Variants in PPP1R16B observed in about 807,000 individuals in gnomAD.
PPP1R16B encodes the protein protein phosphatase 1 regulatory subunit 16B, also known as protein phosphatase 1 regulatory inhibitor subunit 16B.
A neutral mutation model predicts 61.7 loss-of-function variants in PPP1R16B; 14 were observed. The ratio of observed to expected loss-of-function variants is 0.23; its 90% CI spans 0.15 to 0.35. The LOEUF (loss-of-function observed/expected upper bound fraction) is 0.35, where lower values mean the gene tolerates loss of function less well. PPP1R16B is among the 10% of genes least tolerant of loss of function. The pLI, the probability that PPP1R16B is intolerant of heterozygous loss-of-function variation, is 1.00. For missense variants in PPP1R16B, 547 were observed against 752.5 expected (o/e 0.73, Z 3.19); for synonymous variants, 266 against 305.3 (o/e 0.87, Z 1.34).
At chr20:38,885,130 G>A (rs1211973578) in intron 2 of PPP1R16B, among the ~76,000 whole-genome samples, 2 of 151,582 alleles carry the variant, frequency 1.3e-5, no homozygotes, top group African/African-American at 4.8e-5. Flanking sequence ...GAGATGGGAG[G>A]ATTGCTTGAG....
intron 2 of PPP1R16B, among the ~76,000 whole-genome samples, chr20:38,851,900 G>A (rs907741154): frequency 6.6e-6 from 1 of 152,226 alleles, no homozygotes; most frequent in Non-Finnish European, 1.5e-5. Context: ...AGGCATGGTG[G>A]TGTGGGCCTG....
intron 1 of PPP1R16B, among the ~76,000 whole-genome samples, chr20:38,807,285 G>A (rs1172627136): frequency 6.6e-6 from 1 of 152,236 alleles, no homozygotes; most frequent in East Asian, 1.9e-4. Flanking sequence ...CGTGGGCAAG[G>A]TACTTGGCTT....
At chr20:38,870,099 T>A (rs1393206174) in intron 2 of PPP1R16B, among the ~76,000 whole-genome samples, 1 of 152,038 alleles carries the variant, frequency 6.6e-6, no homozygotes, top group African/African-American at 2.4e-5. Context: ...AATTTTTGTA[T>A]TTTTAGTAGA....
intron 2 of PPP1R16B, among the ~76,000 whole-genome samples, chr20:38,844,107 C>T (rs1409755320): frequency 2.0e-5 from 3 of 152,168 alleles, no homozygotes; most frequent in Admixed American, 6.5e-5. Context: ...GGTTCTTTTA[C>T]CCATGTGTAC....
intron 2 of PPP1R16B, among the ~76,000 whole-genome samples, chr20:38,869,438 C>T (rs1343899765): frequency 1.3e-5 from 2 of 152,120 alleles, no homozygotes; most frequent in African/African-American, 2.4e-5. Context: ...GGATTACAGG[C>T]GTGAGCCACC....
intron 2 of PPP1R16B, among the ~76,000 whole-genome samples, chr20:38,884,695 C>T (rs2085229686): frequency 6.6e-6 from 1 of 152,136 alleles, no homozygotes; most frequent in African/African-American, 2.4e-5. Context: ...CTCAACTACT[C>T]AGAAGGCTGA....
intron 2 of PPP1R16B, among the ~76,000 whole-genome samples, chr20:38,868,250 C>T (rs1006983141): frequency 8.5e-5 from 13 of 152,326 alleles, no homozygotes; most frequent in Admixed American, 7.8e-4. Context: ...TCCTGCGTTT[C>T]ACCTCAGGAC....
chr20:38,889,962 C>A (rs895781570), intron 3 of PPP1R16B, among the ~76,000 whole-genome samples: 1 of 152,258 alleles, frequency 6.6e-6, no homozygotes, highest in African/African-American at 2.4e-5. Context: ...GTGTTTGGAG[C>A]TTGACAGTGT....
intron 1 of PPP1R16B, among the ~76,000 whole-genome samples, chr20:38,829,984 G>C (rs963173060): frequency 3.3e-5 from 5 of 152,224 alleles, no homozygotes; most frequent in Non-Finnish European, 7.3e-5. Context: ...ACTGGCCCTT[G>C]GGAGACATTG....
At chr20:38,869,979 A>G (rs945021802) in intron 2 of PPP1R16B, among the ~76,000 whole-genome samples, 15 of 151,612 alleles carry the variant, frequency 9.9e-5, no homozygotes, top group African/African-American at 3.4e-4. Context: ...GCTGGAACAC[A>G]GTGACGCGAT....
chr20:38,855,635 C>T (rs1017019249), intron 2 of PPP1R16B, among the ~76,000 whole-genome samples: 9 of 151,924 alleles, frequency 5.9e-5, no homozygotes, highest in Non-Finnish European at 1.2e-4. Context: ...TCCTGAACTG[C>T]AGGGCTGGTT....
At chr20:38,839,452 GT>G (rs2084895005) in intron 2 of PPP1R16B, among the ~76,000 whole-genome samples, 1 of 152,178 alleles carries the variant, frequency 6.6e-6, no homozygotes, top group Non-Finnish European at 1.5e-5. Flanking sequence ...CAACGTAGAA[GT>G]GTACAAAGTA....
chr20:38,887,417 G>A (rs187668981), intron 2 of PPP1R16B, among the ~76,000 whole-genome samples: 224 of 152,250 alleles, frequency 1.5e-3, no homozygotes, highest in Non-Finnish European at 2.5e-3. Flanking sequence ...CTCACATCAC[G>A]CAAGAACTTG....
intron 1 of PPP1R16B, among the ~76,000 whole-genome samples, chr20:38,834,511 A>T (rs1250770898): frequency 6.6e-6 from 1 of 152,236 alleles, no homozygotes; most frequent in African/African-American, 2.4e-5. Flanking sequence ...TTTGAAACTC[A>T]TGAGAGCAAG....
chr20:38,873,745 T>TG (rs200057214), intron 2 of PPP1R16B, among the ~76,000 whole-genome samples: 86 of 149,398 alleles, frequency 5.8e-4, no homozygotes, highest in African/African-American at 2.0e-3. Flanking sequence ...TTTTTTTTGT[T>TG]TTTTTTTTTT....
intron 2 of PPP1R16B, among the ~76,000 whole-genome samples, chr20:38,871,484 G>A (rs1465829424): frequency 1.3e-5 from 2 of 151,336 alleles, no homozygotes; most frequent in African/African-American, 2.4e-5. Context: ...AAGAACAGAT[G>A]TTCAATCAAT....
At chr20:38,909,300 T>C (rs1464067793) in intron 10 of PPP1R16B, among the ~76,000 whole-genome samples, 2 of 152,252 alleles carry the variant, frequency 1.3e-5, no homozygotes, top group East Asian at 3.8e-4. Context: ...GTACCTAGCC[T>C]GTTTTTTCCT....
chr20:38,891,974 C>T (rs910432836), intron 3 of PPP1R16B, among the ~76,000 whole-genome samples: 2 of 152,168 alleles, frequency 1.3e-5, no homozygotes, highest in Non-Finnish European at 2.9e-5. Context: ...GCTGATGTGA[C>T]TGAGGAAATG....
chr20:38,843,357 C>T (rs539984512), intron 2 of PPP1R16B, among the ~76,000 whole-genome samples: 47 of 152,334 alleles, frequency 3.1e-4, no homozygotes, highest in African/African-American at 1.1e-3. Flanking sequence ...GGGTGGTTCT[C>T]GTTCAGGATA....
Sources: gnomAD v4.1 joint callset for allele counts (sites outside exome capture counted in the v4.1 genomes callset) on GRCh38, gnomAD v4.1.1 for gene constraint, MANE v1.5 for transcripts, NCBI Gene and HGNC (gene_info 2026-07-23, HGNC 2026-07-21) for gene names.